CYP20A1: variants seen among roughly 807,000 people sequenced by gnomAD.
CYP20A1 encodes cytochrome P450 family 20 subfamily A member 1, also known as cytochrome P450 20A1.
In CYP20A1, 61 loss-of-function variants were observed where a neutral mutation model predicts 61.4. The observed-to-expected ratio is 0.99, with a 90% CI of 0.81 to 1.23. The LOEUF is 1.23. Ranked by LOEUF, CYP20A1 falls within the 50% of genes most tolerant of loss-of-function variation. The pLI, the probability that CYP20A1 is intolerant of heterozygous loss-of-function variation, is 0.00. For synonymous variants in CYP20A1, 193 were observed against 188.2 expected (o/e 1.03, Z -0.21); for missense variants, 530 against 542.4 (o/e 0.98, Z 0.23).
intron 11 of CYP20A1, among the ~76,000 whole-genome samples, chr2:203,294,324 G>T (rs937654140): frequency 6.6e-6 from 1 of 151,834 alleles, no homozygotes; most frequent in Admixed American, 6.6e-5. Context: ...GATCACCTGA[G>T]GTCGGGGGTT....
At chr2:203,278,070 G>A (rs1209676878) in intron 6 of CYP20A1, among the ~76,000 whole-genome samples, 2 of 152,118 alleles carry the variant, frequency 1.3e-5, no homozygotes, top group African/African-American at 2.4e-5. Context: ...GAGCCCAGGA[G>A]TTTGAGACCG....
At chr2:203,287,910 G>A (rs971430533) in intron 9 of CYP20A1, among the ~76,000 whole-genome samples, 18 of 150,210 alleles carry the variant, frequency 1.2e-4, no homozygotes, top group Admixed American at 6.7e-5. Context: ...TTCTCTTTTC[G>A]TCTCTTCTTT....
chr2:203,256,304 G>C (rs1015873852), intron 4 of CYP20A1, among the ~76,000 whole-genome samples: 10 of 151,724 alleles, frequency 6.6e-5, no homozygotes, highest in Non-Finnish European at 1.5e-4. Flanking sequence ...AACACCCCGT[G>C]CCTTTCCTTT....
intron 5 of CYP20A1, among the ~76,000 whole-genome samples, chr2:203,269,254 C>A (rs2067457977): frequency 6.7e-6 from 1 of 149,844 alleles, no homozygotes; most frequent in African/African-American, 2.4e-5. Context: ...CCAGCCTGGG[C>A]AACACAGTGA....
chr2:203,243,139 T>C (rs1185570934), intron 1 of CYP20A1, among the ~76,000 whole-genome samples: 2 of 152,190 alleles, frequency 1.3e-5, no homozygotes, highest in East Asian at 3.9e-4. Context: ...CAATAACTGA[T>C]AATCTCTTGT....
intron 3 of CYP20A1, among the ~76,000 whole-genome samples, chr2:203,249,249 A>G (rs903346603): frequency 6.6e-6 from 1 of 152,206 alleles, no homozygotes; most frequent in Admixed American, 6.5e-5. Flanking sequence ...ATGCGGTAGC[A>G]CATAGCTGTA....
At chr2:203,245,950 A>C in intron 2 of CYP20A1, 55 bp downstream of exon 2, 11 of 1,173,772 alleles carry the variant, frequency 9.4e-6, no homozygotes, top group Non-Finnish European at 1.2e-5. Flanking sequence ...TATTGATATC[A>C]AGACTAAACC....
intron 5 of CYP20A1, 97 bp downstream of exon 5, chr2:203,266,778 A>C (rs2152075427): frequency 1.0e-6 from 1 of 997,146 alleles, no homozygotes; most frequent in South Asian, 1.5e-5. Flanking sequence ...GTCAGGAGTT[A>C]AAGACCAGCC....
intron 5 of CYP20A1, 42 bp downstream of exon 5, chr2:203,266,723 G>A: frequency 6.4e-7 from 1 of 1,565,572 alleles, no homozygotes; most frequent in Non-Finnish European, 8.8e-7. Context: ...TTCAGGCTGG[G>A]CACGGCAGCT....
chr2:203,303,258 GCCT>G lies in CYP20A1; in HGVS notation c.*6354_*6356del, dbSNP rs1329553285. Among the ~76,000 whole-genome samples, 1 of 151,298 alleles carries G rather than the reference GCCT, an allele frequency of 6.6e-6. No homozygotes were observed. The highest frequency in any genetic ancestry group is 2.4e-5 in the African/African-American group (1 of 41,132). ...AACCTCAGGTGATTCACACCCCTTG[GCCT>G]CCTGAAGTGCTGGGATTACAGGCAT... is the stretch of plus-strand genomic sequence containing the variant. On this transcript the variant is annotated 3_prime_UTR_variant, in exon 13 of 13. Coordinates refer to ENST00000356079, the MANE Select transcript of CYP20A1 (RefSeq NM_177538.3).
rs762450118 is a variant in CYP20A1 at position 203,272,639 on chromosome 2, A to G, written c.601-31A>G. ...TTATTTTTAAAATTCTACCTATTAG[A>G]TAATAGTTATGTATATTTACCTATT... On this transcript the variant is annotated intron_variant, in intron 5 of 12. Transcript: ENST00000356079. The G allele has an allele frequency of 1.5e-5, 22 of 1,436,236 alleles. No individual in the cohort carries two copies. In the Admixed American group the frequency reaches 2.0e-4, roughly 13 times the overall value. The allele number at this position is 1,436,236 out of a possible 1,614,324, so 89.0% of individuals were successfully genotyped here.
rs1309487206 is a variant in CYP20A1, at chr2:203,300,699, G to A, written c.*3791G>A. Among the ~76,000 whole-genome samples the A allele has an allele frequency of 6.6e-6, 1 of 151,758 alleles. No homozygotes were observed. Among genetic ancestry groups the A allele is most frequent in the African/African-American group, 2.4e-5 (1 of 41,258 alleles). ...GAGGTTGGGAGTTTGAGACCAGCCT[G>A]ACCAACATGGAGAAACCCTGTCTCT... On this transcript the variant is annotated 3_prime_UTR_variant, in exon 13 of 13. Transcript: ENST00000356079.
chr2:203,243,551 T>G (rs1051542918), intron 1 of CYP20A1, among the ~76,000 whole-genome samples: 2 of 151,894 alleles, frequency 1.3e-5, no homozygotes, highest in African/African-American at 4.8e-5. Flanking sequence ...GCCCTGTTAA[T>G]TTTTGTATTT....
intron 3 of CYP20A1, 118 bp downstream of exon 3, chr2:203,247,039 T>A (rs2066486507): frequency 2.1e-6 from 2 of 953,802 alleles, no homozygotes; most frequent in African/African-American, 1.7e-5. Flanking sequence ...GGCAGGTGGA[T>A]CACATGAGGC....
At chr2:203,285,027 G>A (rs2068208185) in intron 8 of CYP20A1, among the ~76,000 whole-genome samples, 1 of 152,014 alleles carries the variant, frequency 6.6e-6, no homozygotes, top group African/African-American at 2.4e-5. Context: ...TCCCCTCCGT[G>A]TGATCCCCTC....
intron 11 of CYP20A1, among the ~76,000 whole-genome samples, chr2:203,293,181 CAAA>C (rs1170660469): frequency 1.4e-5 from 2 of 138,514 alleles, no homozygotes; most frequent in African/African-American, 2.6e-5. Flanking sequence ...GACTCCGTCT[CAAA>C]AAAAATTTTT....
At chr2:203,273,672 G>A (rs573131774) in intron 6 of CYP20A1, among the ~76,000 whole-genome samples, 14 of 152,174 alleles carry the variant, frequency 9.2e-5, no homozygotes, top group African/African-American at 1.4e-4. Context: ...GGCCCAGTGC[G>A]GTAGCTCACA....
Position 203,296,969 on chromosome 2 carries a change from T to A in CYP20A1, c.*61T>A. The A allele has an allele frequency of 1.0e-6, 1 of 993,442 alleles. No homozygotes were observed. The highest frequency in any genetic ancestry group is 1.5e-6 in the Non-Finnish European group (1 of 682,372). 61.5% of individuals were successfully genotyped at this position (993,442 alleles called of 1,614,324 possible). On this transcript the variant is annotated 3_prime_UTR_variant, in exon 13 of 13. Coordinates refer to ENST00000356079, the MANE Select transcript of CYP20A1 (RefSeq NM_177538.3). ...GAGGAAAACAACCATTTAAAAAAAA[T>A]CTATGTTGAATCCTTTTATAAACCA...
intron 5 of CYP20A1, among the ~76,000 whole-genome samples, chr2:203,270,762 G>T: frequency 7.6e-6 from 1 of 132,110 alleles, no homozygotes; most frequent in Non-Finnish European, 1.6e-5. Flanking sequence ...AGGCTGCAGT[G>T]CCTCAGTCTC....
Sources: allele counts gnomAD v4.1 joint callset (sites outside exome capture counted in the v4.1 genomes callset), GRCh38; gene constraint gnomAD v4.1.1; transcripts MANE v1.5; gene names NCBI Gene and HGNC (gene_info 2026-07-23, HGNC 2026-07-21).